TNRC6C: variants seen among roughly 807,000 people sequenced by gnomAD.
TNRC6C encodes trinucleotide repeat containing adaptor 6C, also known as trinucleotide repeat-containing gene 6C protein.
In TNRC6C, 20 loss-of-function variants were observed where a neutral mutation model predicts 153.7. That is an observed-to-expected ratio of 0.13 (90% CI 0.09 to 0.19). The LOEUF is 0.19. TNRC6C is among the 10% of genes least tolerant of loss of function. The pLI, the probability that TNRC6C is intolerant of heterozygous loss-of-function variation, is 1.00. For synonymous variants in TNRC6C, 811 were observed against 841.4 expected (o/e 0.96, Z 0.63); for missense variants, 1,987 against 2,172.0 (o/e 0.91, Z 1.69).
At chr17:77,982,172 T>C (rs1210240506) in intron 1 of TNRC6C, among the ~76,000 whole-genome samples, 1 of 152,212 alleles carries the variant, frequency 6.6e-6, no homozygotes, top group African/African-American at 2.4e-5. Flanking sequence ...TCTTGGAGGG[T>C]CTATAGAACC....
chr17:78,004,297 C>G (rs2071459124), upstream of TNRC6C: 2 of 1,231,650 alleles, frequency 1.6e-6, no homozygotes, highest in African/African-American at 3.1e-5. Flanking sequence ...GCTTCATTGT[C>G]TTTGTATCAT....
At chr17:78,103,107 T>G (rs1385477163) in intron 18 of TNRC6C, among the ~76,000 whole-genome samples, 1 of 152,226 alleles carries the variant, frequency 6.6e-6, no homozygotes, top group Non-Finnish European at 1.5e-5. Flanking sequence ...CCCAGGTGCC[T>G]TTTGCAAACC....
chr17:78,094,354 C>T (rs773805576), intron 16 of TNRC6C, among the ~76,000 whole-genome samples: 2 of 151,914 alleles, frequency 1.3e-5, no homozygotes, highest in Non-Finnish European at 2.9e-5. Context: ...CTAATAAGGC[C>T]ACCTAGATAG....
chr17:77,994,635 T>C (rs982037478), intron 1 of TNRC6C, among the ~76,000 whole-genome samples: 10 of 152,188 alleles, frequency 6.6e-5, no homozygotes, highest in African/African-American at 2.2e-4. Flanking sequence ...CCAACGCTTA[T>C]ATGGTGCTGG....
intron 16 of TNRC6C, among the ~76,000 whole-genome samples, chr17:78,096,685 C>T (rs957394335): frequency 6.6e-6 from 1 of 152,234 alleles, no homozygotes; most frequent in African/African-American, 2.4e-5. Context: ...AGACTGTGCT[C>T]ATGTTCCCTC....
At chr17:78,081,664 A>G (rs566778100) in intron 10 of TNRC6C, among the ~76,000 whole-genome samples, 3 of 152,252 alleles carry the variant, frequency 2.0e-5, no homozygotes, top group East Asian at 3.9e-4. Flanking sequence ...AGGCAGCACT[A>G]CTGTGCCGGT....
intron 2 of TNRC6C, among the ~76,000 whole-genome samples, chr17:78,038,817 A>G (rs1472961100): frequency 1.3e-5 from 2 of 152,166 alleles, no homozygotes; most frequent in Non-Finnish European, 2.9e-5. Flanking sequence ...ATAACACAGT[A>G]CTATGGATTG....
intron 1 of TNRC6C, among the ~76,000 whole-genome samples, chr17:77,982,022 C>A (rs942417155): frequency 6.6e-6 from 1 of 152,118 alleles, no homozygotes; most frequent in Non-Finnish European, 1.5e-5. Flanking sequence ...GAAGGTGGAA[C>A]CCTCACAAAT....
chr17:78,044,870 G>T (rs2072374584), intron 2 of TNRC6C, among the ~76,000 whole-genome samples: 1 of 152,200 alleles, frequency 6.6e-6, no homozygotes, highest in Non-Finnish European at 1.5e-5. Flanking sequence ...GAATGTATGA[G>T]GGAGTCCTAA....
chr17:78,019,107 C>T (rs932896774), intron 1 of TNRC6C, among the ~76,000 whole-genome samples: 12 of 152,012 alleles, frequency 7.9e-5, no homozygotes, highest in African/African-American at 2.9e-4. Context: ...TCGGGGGCCT[C>T]GGCTGTTACA....
intron 1 of TNRC6C, among the ~76,000 whole-genome samples, chr17:78,022,730 CTT>C (rs2071858598): frequency 1.3e-5 from 2 of 152,124 alleles, no homozygotes; most frequent in African/African-American, 4.8e-5. Flanking sequence ...CATTTCGAGT[CTT>C]TTAAAAGGCA....
rs1432638026 is a variant in TNRC6C, at chr17:77,992,271, G to A, written c.-37-11899G>A. The stretch of plus-strand genomic sequence containing the variant: ...TCCCAGCACTTTGGGAGGCCGAGAC[G>A]GGCGGATCACGAGGTCAGGAGATCG... On this transcript the variant is annotated intron_variant, in intron 1 of 22. Coordinates refer to the TNRC6C transcript ENST00000636222. 3.5e-5 allele frequency among the ~76,000 whole-genome samples: 4 copies of A among 115,700 alleles called. 2 individuals carry two copies. Among genetic ancestry groups the A allele is most frequent in the African/African-American group, 8.8e-5 (2 of 22,748 alleles). The allele number at this position is 115,700 out of a possible 152,430, so 75.9% of individuals were successfully genotyped here. A position where few individuals can be genotyped will look rare whatever the true frequency, so the allele number is the denominator to read the frequency against.
upstream of TNRC6C, among the ~76,000 whole-genome samples, chr17:77,958,352 C>G (rs1439537876): frequency 6.6e-6 from 1 of 152,042 alleles, no homozygotes; most frequent in Non-Finnish European, 1.5e-5. Flanking sequence ...TCCACGTAAC[C>G]CCCCCGAGCA....
chr17:78,070,950 C>T (rs1003418806), intron 5 of TNRC6C, 135 bp from the exon 8 acceptor site: 1 of 815,068 alleles, frequency 1.2e-6, no homozygotes, highest in Non-Finnish European at 1.9e-6. Context: ...TTCTGGAATA[C>T]AGCATTATTC....
At position 78,049,444 on chromosome 17, in the gene TNRC6C, A is replaced by C; in HGVS notation, c.382A>C (p.Ser128Arg). The change falls in exon 3 of 20, where the codon AGT becomes CGT. Residue 128 changes from serine to arginine, a missense_variant. Physicochemically the swap from Ser to Arg is moderately radical, Grantham distance 110 (BLOSUM62 -1). This residue lies in a region of TNRC6C where 1,052 missense variants were observed against 1,017.0 expected (regional missense o/e 1.03). Coordinates refer to ENST00000301624, the Ensembl canonical transcript of TNRC6C. The surrounding 1 kb of genome is among the most constrained non-coding windows in gnomAD (Gnocchi z 4.1). ...GACAGGCAACCCTTCCAGTATTTGC[A>C]GTCCAGTCAGTGCCATAGGTCAAAA... 2.5e-6 allele frequency: 4 copies of C among 1,614,046 alleles called. No homozygotes were observed. The Admixed American group carries it at 5.0e-5, about 20-fold the overall frequency.
exon 20 of TNRC6C, chr17:78,105,526 C>CT (rs1349591169): frequency 6.6e-6 from 1 of 152,220 alleles, no homozygotes; most frequent in African/African-American, 2.4e-5. Context: ...AATGTGAACA[C>CT]TTTCTAATTC....
At chr17:77,985,601 C>CAAAAAAAAAAAAAA (rs1229331703) in intron 1 of TNRC6C, among the ~76,000 whole-genome samples, 7 of 96,256 alleles carry the variant, frequency 7.3e-5, no homozygotes, top group African/African-American at 1.3e-4. Context: ...GACTCCGTCT[C>CAAAAAAAAAAAAAA]AAAAAAAAAA....
At chr17:77,998,323 T>G (rs1407756370) in intron 1 of TNRC6C, among the ~76,000 whole-genome samples, 1 of 152,232 alleles carries the variant, frequency 6.6e-6, no homozygotes, top group African/African-American at 2.4e-5. Flanking sequence ...TTCTTTGAGT[T>G]TATCTTGTTT....
intron 1 of TNRC6C, among the ~76,000 whole-genome samples, chr17:77,961,788 G>A (rs192905798): frequency 1.3e-5 from 2 of 152,218 alleles, no homozygotes; most frequent in Non-Finnish European, 1.5e-5. Flanking sequence ...TTGACATTCG[G>A]TGATTAAAAA....
Sources: gnomAD v4.1 joint callset for allele counts (sites outside exome capture counted in the v4.1 genomes callset) on GRCh38, gnomAD v4.1.1 for gene constraint, gnomAD v4.1.1 regional missense constraint, Gnocchi (gnomAD v3.1) non-coding constraint, MANE v1.5 for transcripts, NCBI Gene and HGNC (gene_info 2026-07-23, HGNC 2026-07-21) for gene names.